The following CCDC7 variants were observed in gnomAD, a reference collection of about 807,000 sequenced individuals.
CCDC7 encodes coiled-coil domain-containing protein 7.
A neutral mutation model predicts 196.9 loss-of-function variants in CCDC7; 183 were observed. The ratio of observed to expected loss-of-function variants is 0.93; its 90% CI spans 0.82 to 1.05. CCDC7 has a LOEUF of 1.05. Ranked by LOEUF, CCDC7 falls within the 50% of genes least tolerant of loss-of-function variation. The pLI, the probability that CCDC7 is intolerant of heterozygous loss-of-function variation, is 0.00. For synonymous variants in CCDC7, 525 were observed against 484.6 expected, an observed-to-expected ratio of 1.08 and a Z score of -1.10; for missense variants, 1,540 against 1,482.2, an observed-to-expected ratio of 1.04 and a Z score of -0.64.
At chr10:32,768,187 A>T (rs1426968865) in intron 28 of CCDC7, among the ~76,000 whole-genome samples, 1 of 152,132 alleles carries the variant, frequency 6.6e-6, no homozygotes, top group Non-Finnish European at 1.5e-5. Flanking sequence ...ATGGCTATTT[A>T]AATAACATTA....
intron 24 of CCDC7, among the ~76,000 whole-genome samples, chr10:32,703,932 G>T (rs1029753754): frequency 6.6e-6 from 1 of 151,822 alleles, no homozygotes; most frequent in Non-Finnish European, 1.5e-5. Context: ...TTTTTTCAAG[G>T]TTTTTAACTT....
downstream of CCDC7, chr10:32,877,237 T>C (rs1268852150): frequency 1.3e-5 from 2 of 152,148 alleles, no homozygotes; most frequent in Non-Finnish European, 2.9e-5. Context: ...TTAGAAAAAC[T>C]CATGAATTCA....
rs544870785 is a variant in CCDC7 at position 32,653,267 on chromosome 10, A to G, written c.2015-10787A>G. ...TCCCTTGGGGCTGGGGTGAGTCTCAATGCTCCCTATGTGAGCACTGGCCTA... is the reference window on the plus strand; with the variant it reads ...TCCCTTGGGGCTGGGGTGAGTCTCAGTGCTCCCTATGTGAGCACTGGCCTA... On this transcript the variant is annotated intron_variant, in intron 20 of 41. Coordinates refer to ENST00000639629, the Ensembl canonical transcript of CCDC7. 2.9e-3 allele frequency among the ~76,000 whole-genome samples: 436 copies of G among 152,198 alleles called. 2 individuals are homozygous for G. The highest frequency in any genetic ancestry group is 0.01 in the African/African-American group (421 of 41,500).
chr10:32,845,459 C>A, intron 34 of CCDC7, 84 bp from the exon 36 acceptor site: 2 of 1,283,298 alleles, frequency 1.6e-6, no homozygotes, highest in South Asian at 1.3e-5. Context: ...CATGAATATC[C>A]TCCTATAATT....
At chr10:32,799,218 C>G (rs1213717505) in intron 29 of CCDC7, among the ~76,000 whole-genome samples, 1 of 152,180 alleles carries the variant, frequency 6.6e-6, no homozygotes, top group Non-Finnish European at 1.5e-5. Context: ...AGAGCTGACT[C>G]TCAAAAGGAG....
At chr10:32,683,323 G>T (rs149811994) in intron 21 of CCDC7, among the ~76,000 whole-genome samples, 1 of 152,088 alleles carries the variant, frequency 6.6e-6, no homozygotes, top group Non-Finnish European at 1.5e-5. Flanking sequence ...CTTTATTCCT[G>T]AGTTCTCTAA....
chr10:32,534,274 T>G (rs1355678034), intron 11 of CCDC7, among the ~76,000 whole-genome samples: 1 of 152,186 alleles, frequency 6.6e-6, no homozygotes, highest in Non-Finnish European at 1.5e-5. Context: ...TTAAACTTGT[T>G]GTTAAATTTA....
chr10:32,466,256 C>CT (rs35430926), intron 5 of CCDC7, among the ~76,000 whole-genome samples: 17 of 50,472 alleles, frequency 3.4e-4, no homozygotes, highest in African/African-American at 7.7e-4. Flanking sequence ...GTTTCTCTCT[C>CT]TTTTTTTTTT....
At chr10:32,646,107 G>A (rs2067723917) in intron 20 of CCDC7, among the ~76,000 whole-genome samples, 5 of 148,376 alleles carry the variant, frequency 3.4e-5, no homozygotes, top group Admixed American at 2.7e-4. Flanking sequence ...TCTTTGAGGA[G>A]TAATGTTAGG....
rs528630816 is a variant in CCDC7 at position 32,603,582 on chromosome 10, G to A, written c.1801+19278G>A. Among the ~76,000 whole-genome samples, 7 of 48,602 alleles carry A rather than the reference G, an allele frequency of 1.4e-4. No individual in the cohort carries two copies. In the East Asian group the frequency reaches 2.3e-3, roughly 16 times the overall value. The allele number at this position is 48,602 out of a possible 152,430, so 31.9% of individuals were successfully genotyped here. ...ACATTCCCACCAGCCATGTGTGATAGTTCTTTTTTTTTTTTTACATCTTTG... is the reference window on the plus strand; with the variant it reads ...ACATTCCCACCAGCCATGTGTGATAATTCTTTTTTTTTTTTTACATCTTTG... On this transcript the variant is annotated intron_variant, in intron 18 of 41. Coordinates refer to ENST00000639629, the Ensembl canonical transcript of CCDC7.
intron 24 of CCDC7, among the ~76,000 whole-genome samples, chr10:32,697,295 C>A (rs1197085003): frequency 6.6e-6 from 1 of 152,206 alleles, no homozygotes; most frequent in East Asian, 1.9e-4. Context: ...GCATTTCCAA[C>A]TGAGGTACCG....
intron 28 of CCDC7, among the ~76,000 whole-genome samples, chr10:32,770,533 T>G (rs192171439): frequency 6.6e-6 from 1 of 152,182 alleles, no homozygotes; most frequent in South Asian, 2.1e-4. Context: ...TGTGGCCTAT[T>G]ATATGGTCTG....
chr10:32,446,105 G>A (rs993942607), upstream of CCDC7: 6 of 152,240 alleles, frequency 3.9e-5, no homozygotes, highest in African/African-American at 1.4e-4. Context: ...GCGGCGCCAA[G>A]GCGTCGTGGC....
At chr10:32,769,636 C>T (rs1402943456) in intron 28 of CCDC7, among the ~76,000 whole-genome samples, 1 of 151,934 alleles carries the variant, frequency 6.6e-6, no homozygotes, top group African/African-American at 2.4e-5. Flanking sequence ...CCCCAAGCCC[C>T]CCACCCCTCA....
intron 18 of CCDC7, among the ~76,000 whole-genome samples, chr10:32,604,829 T>A (rs2061408489): frequency 6.6e-6 from 1 of 152,200 alleles, no homozygotes; most frequent in Non-Finnish European, 1.5e-5. Flanking sequence ...TCTGGTGGAA[T>A]CTTTAGGTAT....
chr10:32,810,408 TA>T (rs1196550652), intron 30 of CCDC7, among the ~76,000 whole-genome samples: 3 of 151,648 alleles, frequency 2.0e-5, no homozygotes, highest in Non-Finnish European at 4.4e-5. Flanking sequence ...TCAAAAACAA[TA>T]AAAAGAGATA....
intron 11 of CCDC7, among the ~76,000 whole-genome samples, chr10:32,532,127 T>C (rs557711835): frequency 3.9e-5 from 6 of 152,118 alleles, no homozygotes; most frequent in Non-Finnish European, 8.8e-5. Flanking sequence ...GGTTCATCAT[T>C]AGGTTATTTG....
At chr10:32,877,019 A>G (rs540023617), downstream of CCDC7, 11 of 152,176 alleles carry the variant, frequency 7.2e-5, no homozygotes, top group Non-Finnish European at 1.3e-4. Context: ...ATTTTTCCCC[A>G]GCAAGAATCA....
intron 41 of CCDC7, among the ~76,000 whole-genome samples, chr10:32,871,153 T>C (rs897608370): frequency 1.3e-5 from 2 of 152,230 alleles, no homozygotes; most frequent in African/African-American, 2.4e-5. Flanking sequence ...TTCTATTGAT[T>C]GGAGTAGTTT....
Sources: allele counts gnomAD v4.1 joint callset (sites outside exome capture counted in the v4.1 genomes callset), GRCh38; gene constraint gnomAD v4.1.1; transcripts MANE v1.5; gene names NCBI Gene and HGNC (gene_info 2026-07-23, HGNC 2026-07-21).